Variants in MEMO1 observed in about 807,000 individuals in gnomAD.
The protein encoded by MEMO1 is mediator of cell motility 1.
Under a neutral mutation model 45.2 loss-of-function variants are expected in MEMO1, and 6 were observed. That is an observed-to-expected ratio of 0.13 (90% confidence interval 0.07 to 0.26). The LOEUF is 0.26. Among genes scored for constraint, MEMO1 ranks in the 10% least tolerant of loss-of-function variants. The pLI, the probability that MEMO1 is intolerant of heterozygous loss-of-function variation, is 1.00. For synonymous variants in MEMO1, 78 were observed against 124.3 expected (o/e 0.63, Z 2.48); for missense variants, 184 against 370.5 (o/e 0.50, Z 4.13).
chr2:31,966,250 A>T (rs1668598157), intron 2 of MEMO1, among the ~76,000 whole-genome samples: 1 of 152,192 alleles, frequency 6.6e-6, no homozygotes. Context: ...ATGGCTCTGT[A>T]TACCTCCACT....
intron 2 of MEMO1, among the ~76,000 whole-genome samples, chr2:32,000,977 A>G (rs1335421987): frequency 6.6e-6 from 1 of 151,864 alleles, no homozygotes; most frequent in Non-Finnish European, 1.5e-5. Context: ...TGATTCGTTC[A>G]ATATTGAATT....
chr2:31,974,601 CG>C (rs1316425884), intron 2 of MEMO1, among the ~76,000 whole-genome samples: 1 of 151,874 alleles, frequency 6.6e-6, no homozygotes. Flanking sequence ...AAAAATTAGC[CG>C]GGCATGGTTG....
intron 6 of MEMO1, among the ~76,000 whole-genome samples, chr2:31,910,033 TAAG>T (rs1363829778): frequency 6.6e-6 from 1 of 151,934 alleles, no homozygotes; most frequent in Non-Finnish European, 1.5e-5. Context: ...ATAAAAATGA[TAAG>T]AAACATAAAA....
At chr2:31,905,975 A>T (rs966363818) in intron 6 of MEMO1, among the ~76,000 whole-genome samples, 45 of 144,280 alleles carry the variant, frequency 3.1e-4, no homozygotes, top group Admixed American at 1.6e-3. Context: ...TTTTTTCTTT[A>T]TTTTTTTTTT....
chr2:31,925,795 TACTC>T (rs1683008556), intron 4 of MEMO1, among the ~76,000 whole-genome samples: 1 of 152,212 alleles, frequency 6.6e-6, no homozygotes, highest in African/African-American at 2.4e-5. Context: ...TTTTTAACCT[TACTC>T]ACACTAAGTT....
At chr2:31,878,975 C>T (rs1674964264) in intron 8 of MEMO1, among the ~76,000 whole-genome samples, 1 of 152,150 alleles carries the variant, frequency 6.6e-6, no homozygotes. Context: ...CAAATCTCTC[C>T]AATACCTCAA....
intron 8 of MEMO1, among the ~76,000 whole-genome samples, chr2:31,879,053 G>T (rs1162339562): frequency 6.6e-6 from 1 of 152,136 alleles, no homozygotes; most frequent in Non-Finnish European, 1.5e-5. Context: ...AACTCCTCCT[G>T]TGACTGTGTT....
intron 2 of MEMO1, among the ~76,000 whole-genome samples, chr2:31,955,544 T>C (rs1177147368): frequency 7.2e-5 from 11 of 152,300 alleles, no homozygotes; most frequent in Admixed American, 2.6e-4. Flanking sequence ...TTTAAAATCT[T>C]CTGTTTTAGT....
intron 6 of MEMO1, among the ~76,000 whole-genome samples, chr2:31,895,644 T>A (rs1452717434): frequency 6.6e-6 from 1 of 152,080 alleles, no homozygotes. Context: ...AGCATGTATA[T>A]AATGGGAACT....
intron 2 of MEMO1, among the ~76,000 whole-genome samples, chr2:32,005,235 G>C (rs1343558569): frequency 6.7e-6 from 1 of 149,674 alleles, no homozygotes; most frequent in African/African-American, 2.5e-5. Context: ...GAGGAAGACT[G>C]CTTGAGCCCA....
At position 32,005,426 on chromosome 2, in the gene MEMO1, G is replaced by A. The variant is rs191627026; in HGVS notation, c.61+4761C>T. ...TCTGTTCTTAAAATACAAGGAACAT[G>A]GAATGGGGAGAGGGGCATTTGGTGG... On this transcript the variant is annotated intron_variant, in intron 2 of 9. Coordinates refer to ENST00000404530, the MANE Select transcript of MEMO1 (RefSeq NM_001301833.4). 1.8e-3 allele frequency among the ~76,000 whole-genome samples: 280 copies of A among 151,972 alleles called. 3 individuals are homozygous for A. Among genetic ancestry groups the A allele is most frequent in the Non-Finnish European group, 2.4e-3 (161 of 67,980 alleles).
chr2:31,928,529 A>G (rs1381002760), intron 4 of MEMO1, among the ~76,000 whole-genome samples: 3 of 144,050 alleles, frequency 2.1e-5, no homozygotes, highest in Non-Finnish European at 3.0e-5. Flanking sequence ...CCTGGGTGAC[A>G]AAGAGAGACT....
intron 3 of MEMO1, among the ~76,000 whole-genome samples, chr2:31,940,629 C>A (rs1183834660): frequency 6.6e-6 from 1 of 152,284 alleles, no homozygotes; most frequent in East Asian, 1.9e-4. Context: ...ACTGTAGCCT[C>A]CCCCTGGGCT....
At chr2:31,868,624 T>A (rs1673211299) in intron 9 of MEMO1, 132 bp from the exon 10 acceptor site, 1 of 782,490 alleles carries the variant, frequency 1.3e-6, no homozygotes, top group East Asian at 3.4e-5. Context: ...GTTTCTTGAA[T>A]TTCTCTTGTT....
chr2:31,972,977 T>TG (rs1669583552), intron 2 of MEMO1, among the ~76,000 whole-genome samples: 1 of 152,184 alleles, frequency 6.6e-6, no homozygotes, highest in Non-Finnish European at 1.5e-5. Context: ...CCTACTAGGA[T>TG]GGCTATTTTT....
At chr2:31,944,091 T>C (rs1361173808) in intron 2 of MEMO1, among the ~76,000 whole-genome samples, 1 of 152,152 alleles carries the variant, frequency 6.6e-6, no homozygotes, top group East Asian at 1.9e-4. Context: ...TCTCCCTCCA[T>C]CACAGTCAAA....
Position 32,002,641 on chromosome 2 carries a change from A to G in MEMO1, c.61+7546T>C, listed in dbSNP as rs1433212268. The stretch of plus-strand genomic sequence containing the variant: ...ACTCAACTTAGGTCATTGTTTCCAC[A>G]TCCATAAATGGAGATAATACCTACC... On this transcript the variant is annotated intron_variant, in intron 2 of 9. Coordinates refer to ENST00000404530, the MANE Select transcript of MEMO1 (RefSeq NM_001301833.4). 2.0e-5 allele frequency among the ~76,000 whole-genome samples: 3 copies of G among 152,246 alleles called. No individual in the cohort carries two copies. In the East Asian group the frequency reaches 5.8e-4, roughly 29 times the overall value.
At chr2:31,917,729 C>T (rs1340842359) in intron 6 of MEMO1, among the ~76,000 whole-genome samples, 197 bp downstream of exon 6, 1 of 152,200 alleles carries the variant, frequency 6.6e-6, no homozygotes, top group African/African-American at 2.4e-5. Context: ...ATAAAACCAT[C>T]ATGTCAATTC....
intron 2 of MEMO1, among the ~76,000 whole-genome samples, chr2:31,959,389 T>C (rs1667751234): frequency 6.6e-6 from 1 of 150,928 alleles, no homozygotes; most frequent in African/African-American, 2.4e-5. Flanking sequence ...GGAAAAGAGG[T>C]GCAGCTCAAG....
Sources: gnomAD v4.1 joint callset for allele counts (sites outside exome capture counted in the v4.1 genomes callset) on GRCh38, gnomAD v4.1.1 for gene constraint, MANE v1.5 for transcripts, NCBI Gene and HGNC (gene_info 2026-07-23, HGNC 2026-07-21) for gene names.